MEF2C: variants seen among roughly 807,000 people sequenced by gnomAD.
The protein encoded by MEF2C is myocyte-specific enhancer factor 2C.
A neutral mutation model predicts 50.5 loss-of-function variants in MEF2C; 6 were observed. The observed-to-expected ratio is 0.12, with a 90% CI of 0.07 to 0.23. MEF2C has a LOEUF of 0.23. Among genes scored for constraint, MEF2C ranks in the 10% least tolerant of loss-of-function variants. The probability of loss-of-function intolerance (pLI) is 1.00; values close to 1 mark genes in which losing one functional copy is unlikely to be tolerated. For synonymous variants in MEF2C, 183 were observed against 228.0 expected (o/e 0.80, Z 1.78); for missense variants, 276 against 605.0 (o/e 0.46, Z 5.70).
chr5:88,897,693 A>G (rs1242848076), intron 1 of MEF2C, among the ~76,000 whole-genome samples: 1 of 152,200 alleles, frequency 6.6e-6, no homozygotes, highest in African/African-American at 2.4e-5. Context: ...GAACTACTCA[A>G]CACAGTAGTG....
At chr5:88,848,562 C>A (rs1383838935) in intron 1 of MEF2C, among the ~76,000 whole-genome samples, 1 of 152,112 alleles carries the variant, frequency 6.6e-6, no homozygotes, top group African/African-American at 2.4e-5. Context: ...ATTTTGAAAT[C>A]TTCAGTAGTA....
chr5:88,890,020 G>T (rs966655140), intron 1 of MEF2C, among the ~76,000 whole-genome samples: 1 of 152,200 alleles, frequency 6.6e-6, no homozygotes, highest in Non-Finnish European at 1.5e-5. Context: ...CGCCGCCCCT[G>T]TCCCACTCTG....
chr5:88,738,429 C>T, intron 6 of MEF2C: 2 of 942,652 alleles, frequency 2.1e-6, no homozygotes, highest in Non-Finnish European at 2.5e-6. Flanking sequence ...TTAATCTTCA[C>T]AAGAACAACC....
chr5:88,814,359 G>C (rs1008742096), intron 2 of MEF2C, among the ~76,000 whole-genome samples: 1 of 151,724 alleles, frequency 6.6e-6, no homozygotes, highest in African/African-American at 2.4e-5. Flanking sequence ...ATACAATGAC[G>C]GGGCCTGCCA....
At chr5:88,814,319 C>G (rs1804288972) in intron 2 of MEF2C, among the ~76,000 whole-genome samples, 1 of 145,770 alleles carries the variant, frequency 6.9e-6, no homozygotes, top group South Asian at 2.2e-4. Context: ...AGTGCCTCTG[C>G]AGACTTGTGT....
At chr5:88,732,902 C>G (rs1398699479) in intron 6 of MEF2C, 1 of 185,578 alleles carries the variant, frequency 5.4e-6, no homozygotes, top group African/African-American at 2.4e-5. Flanking sequence ...GACAGTTAAA[C>G]CTCATTGTTA....
chr5:88,781,798 C>T, intron 3 of MEF2C, among the ~76,000 whole-genome samples: 1 of 152,110 alleles, frequency 6.6e-6, no homozygotes, highest in East Asian at 1.9e-4. Flanking sequence ...CATGGTGAAA[C>T]CCCGTATCTA....
chr5:88,882,357 C>G (rs1833167412), intron 1 of MEF2C, among the ~76,000 whole-genome samples: 1 of 152,178 alleles, frequency 6.6e-6, no homozygotes, highest in African/African-American at 2.4e-5. Flanking sequence ...ACTACTATGG[C>G]AGGGATATTA....
chr5:88,822,476 A>G (rs748690839), intron 2 of MEF2C, among the ~76,000 whole-genome samples: 2 of 152,022 alleles, frequency 1.3e-5, no homozygotes, highest in African/African-American at 4.8e-5. Context: ...CTAGCTAAAC[A>G]TGCAGCCAAA....
chr5:88,735,460 G>C, intron 6 of MEF2C: 1 of 985,278 alleles, frequency 1.0e-6, no homozygotes, highest in Non-Finnish European at 1.2e-6. Flanking sequence ...TTATAAAGCA[G>C]GAGTGAATGG....
At chr5:88,873,865 AG>A (rs1480869118) in intron 1 of MEF2C, among the ~76,000 whole-genome samples, 1 of 151,888 alleles carries the variant, frequency 6.6e-6, no homozygotes, top group African/African-American at 2.4e-5. Context: ...AATAAAAAAA[AG>A]ATTCACTTAA....
At chr5:88,811,032 C>T (rs536051600) in intron 2 of MEF2C, among the ~76,000 whole-genome samples, 137 of 152,166 alleles carry the variant, frequency 9.0e-4, no homozygotes, top group South Asian at 2.1e-3. Context: ...AAAGTTTTAG[C>T]GTTCTATAGT....
intron 3 of MEF2C, chr5:88,771,295 C>T: frequency 2.1e-6 from 1 of 470,972 alleles, no homozygotes; most frequent in Non-Finnish European, 2.8e-6. Context: ...CAGCTCAATC[C>T]TTTAGAAACA....
At chr5:88,839,080 A>G (rs1581420662) in intron 1 of MEF2C, among the ~76,000 whole-genome samples, 1 of 152,270 alleles carries the variant, frequency 6.6e-6, no homozygotes, top group East Asian at 1.9e-4. Flanking sequence ...GTTTTTTCAC[A>G]ATGTATTGTG....
At chr5:88,821,359 T>C (rs926838675) in intron 2 of MEF2C, among the ~76,000 whole-genome samples, 2 of 151,944 alleles carry the variant, frequency 1.3e-5, no homozygotes, top group African/African-American at 4.8e-5. Context: ...AGTTTTGACA[T>C]CTCGGGTCCT....
At chr5:88,837,165 G>A (rs775033987) in intron 1 of MEF2C, among the ~76,000 whole-genome samples, 1 of 152,072 alleles carries the variant, frequency 6.6e-6, no homozygotes, top group Non-Finnish European at 1.5e-5. Flanking sequence ...TAGCTTTAAA[G>A]AAAATAACAA....
At position 88,721,332 on chromosome 5, in the gene MEF2C, C is replaced by T. The variant is rs895598688; in HGVS notation, c.*1272G>A. On this transcript the variant is annotated 3_prime_UTR_variant, in exon 11 of 11. Transcript: ENST00000504921. ...AATGCAAAAAACAAAATAAAAATAG[C>T]ATGAAAGAAACTAGTATATACAATG... 3 of 152,462 alleles carry T rather than the reference C, an allele frequency of 2.0e-5. No individual in the cohort carries two copies. The highest frequency in any genetic ancestry group is 2.9e-5 in the Non-Finnish European group (2 of 67,994). 9.4% of individuals were successfully genotyped at this position (152,462 alleles called of 1,614,324 possible).
intron 6 of MEF2C, chr5:88,738,238 C>T (rs917166661): frequency 1.0e-6 from 1 of 985,126 alleles, no homozygotes; most frequent in Non-Finnish European, 1.2e-6. Context: ...CTCTCAGGTA[C>T]TCATCTGAGG....
intron 1 of MEF2C, among the ~76,000 whole-genome samples, chr5:88,894,494 A>G (rs1834910505): frequency 6.6e-6 from 1 of 152,212 alleles, no homozygotes; most frequent in South Asian, 2.1e-4. Context: ...GCTCAAGTCT[A>G]TTTAGAAATC....
Sources: allele counts gnomAD v4.1 joint callset (sites outside exome capture counted in the v4.1 genomes callset), GRCh38; gene constraint gnomAD v4.1.1; transcripts MANE v1.5; gene names NCBI Gene and HGNC (gene_info 2026-07-23, HGNC 2026-07-21).